LCORL: variants seen among roughly 807,000 people sequenced by gnomAD.
LCORL encodes the protein ligand dependent nuclear receptor corepressor like.
Under a neutral mutation model 141.8 loss-of-function variants are expected in LCORL, and 41 were observed. The observed-to-expected ratio is 0.29, with a 90% CI of 0.23 to 0.38. LCORL has a LOEUF of 0.38. Ranked by LOEUF, LCORL falls within the 10% of genes least tolerant of loss-of-function variation. The probability of loss-of-function intolerance (pLI) is 1.00; values close to 1 mark genes in which losing one functional copy is unlikely to be tolerated. For synonymous variants in LCORL, 618 were observed against 694.1 expected (o/e 0.89, Z 1.72); for missense variants, 1,759 against 2,035.0 (o/e 0.86, Z 2.61).
intron 4 of LCORL, among the ~76,000 whole-genome samples, chr4:17,914,148 G>A (rs1733009586): frequency 1.3e-5 from 2 of 152,100 alleles, no homozygotes; most frequent in Admixed American, 6.5e-5. Context: ...GTTGCAGAAA[G>A]GATTTCAAAG....
intron 5 of LCORL, among the ~76,000 whole-genome samples, chr4:17,902,875 A>T (rs1731090565): frequency 6.6e-6 from 1 of 152,134 alleles, no homozygotes; most frequent in Non-Finnish European, 1.5e-5. Flanking sequence ...TAATTAAAAA[A>T]AAATCTTACT....
At chr4:17,887,453 C>T (rs1436084698) in intron 5 of LCORL, among the ~76,000 whole-genome samples, 1 of 151,974 alleles carries the variant, frequency 6.6e-6, no homozygotes, top group Non-Finnish European at 1.5e-5. Context: ...TGAACAGGGC[C>T]CTGAATAAGG....
At chr4:17,954,989 T>C (rs1387676718) in intron 4 of LCORL, among the ~76,000 whole-genome samples, 4 of 152,138 alleles carry the variant, frequency 2.6e-5, no homozygotes, top group Admixed American at 6.5e-5. Context: ...CAGGATTAGA[T>C]TGAATATGTA....
At chr4:17,978,071 A>G (rs547297179) in intron 1 of LCORL, among the ~76,000 whole-genome samples, 4 of 152,314 alleles carry the variant, frequency 2.6e-5, no homozygotes, top group East Asian at 1.9e-4. Flanking sequence ...AAACTTTAAT[A>G]GCAGTTTTAG....
intron 7 of LCORL, among the ~76,000 whole-genome samples, chr4:17,864,941 T>C (rs1166392981): frequency 6.6e-6 from 1 of 152,184 alleles, no homozygotes; most frequent in East Asian, 1.9e-4. Context: ...AGCCAATTAA[T>C]AAAAAGTACC....
intron 7 of LCORL, among the ~76,000 whole-genome samples, chr4:17,853,380 T>C (rs1179791532): frequency 1.3e-5 from 2 of 152,128 alleles, no homozygotes; most frequent in East Asian, 3.9e-4. Flanking sequence ...ATTTAATGCA[T>C]GAAGTTTCCT....
chr4:17,947,061 C>T (rs1738994408), intron 4 of LCORL, among the ~76,000 whole-genome samples: 1 of 151,996 alleles, frequency 6.6e-6, no homozygotes, highest in South Asian at 2.1e-4. Context: ...TCTACACTCC[C>T]ATGTTCATTG....
intron 7 of LCORL, among the ~76,000 whole-genome samples, chr4:17,868,869 T>C (rs984175350): frequency 1.3e-5 from 2 of 152,110 alleles, no homozygotes; most frequent in Non-Finnish European, 2.9e-5. Flanking sequence ...ATAAAACCAG[T>C]TGTTCTATCC....
intron 6 of LCORL, among the ~76,000 whole-genome samples, chr4:17,879,100 AAT>A (rs1727234022): frequency 6.6e-6 from 1 of 151,172 alleles, no homozygotes; most frequent in Non-Finnish European, 1.5e-5. Flanking sequence ...TGTTGTTTTT[AAT>A]AGTTCCTGAT....
intron 1 of LCORL, among the ~76,000 whole-genome samples, chr4:18,005,917 C>T (rs1251345646): frequency 1.3e-5 from 2 of 152,342 alleles, no homozygotes; most frequent in Admixed American, 1.3e-4. Context: ...TCCCCACAGT[C>T]TTGGGGATTA....
rs546006891 is a variant in LCORL at position 17,872,918 on chromosome 4, C to G, written c.5602+470G>C. Among the ~76,000 whole-genome samples, 17 of 152,214 alleles carry G rather than the reference C, an allele frequency of 1.1e-4. No homozygotes were observed. The South Asian group carries it at 3.5e-3, about 32-fold the overall frequency. On this transcript the variant is annotated intron_variant, in intron 7 of 7. Transcript: ENST00000635767. ...GGATTATCCTAGGATATGTTACAAT[C>G]TATCAATTTAACAGATAGTCTTTAC...
chr4:18,004,603 G>T (rs979025503), intron 1 of LCORL, among the ~76,000 whole-genome samples: 2 of 152,128 alleles, frequency 1.3e-5, no homozygotes, highest in Non-Finnish European at 2.9e-5. Flanking sequence ...TGAGATTTGG[G>T]TGGGGAAACA....
At chr4:18,007,077 T>C (rs71603395) in intron 1 of LCORL, among the ~76,000 whole-genome samples, 19,275 of 152,172 alleles carry the variant, frequency 0.13, 1,358 homozygotes, top group South Asian at 0.26. Context: ...ACTTGCTTGG[T>C]CTATCTTGAC....
chr4:17,861,836 C>A (rs1328614525), intron 7 of LCORL, among the ~76,000 whole-genome samples: 1 of 152,162 alleles, frequency 6.6e-6, no homozygotes, highest in African/African-American at 2.4e-5. Flanking sequence ...AGGGCAGGGG[C>A]AAAATGTTGC....
At chr4:17,887,998 A>T (rs1043001127) in intron 5 of LCORL, among the ~76,000 whole-genome samples, 2 of 152,062 alleles carry the variant, frequency 1.3e-5, no homozygotes, top group Non-Finnish European at 2.9e-5. Flanking sequence ...GCTGATCATC[A>T]TAATAGGTTA....
intron 5 of LCORL, among the ~76,000 whole-genome samples, chr4:17,897,078 C>T (rs1239550420): frequency 3.3e-5 from 5 of 152,072 alleles, no homozygotes; most frequent in Non-Finnish European, 7.4e-5. Context: ...AATAGCACTC[C>T]ATTGTGTATG....
Position 17,877,308 on chromosome 4 carries a change from T to G in LCORL, c.1682A>C (p.Tyr561Ser), listed in dbSNP as rs914050700. The change falls in exon 7 of 8, where the codon TAT (tyrosine) becomes TCT (serine). Residue 561 changes from tyrosine (Y) to serine (S), a missense_variant. Tyr to Ser is a moderately radical substitution (Grantham distance 144, BLOSUM62 -2). Around this residue, in one of 5 missense-constraint regions of LCORL, gnomAD observed 1,311 missense variants for 1,531.3 expected, o/e 0.86. Transcript: ENST00000635767. ...GAAATCTCCCAATTTTAAATCATTA[T>G]ATGTATTATAATCACTGCTAGATAA... 7 of 1,228,986 alleles carry G rather than the reference T, an allele frequency of 5.7e-6. No homozygotes were observed. In the African/African-American group the frequency reaches 7.8e-5, roughly 14 times the overall value. 76.1% of individuals were successfully genotyped at this position (1,228,986 alleles called of 1,614,324 possible). A position where few individuals can be genotyped will look rare whatever the true frequency, so the allele number is the denominator to read the frequency against.
At chr4:17,918,797 GA>G in intron 4 of LCORL, among the ~76,000 whole-genome samples, 1 of 151,944 alleles carries the variant, frequency 6.6e-6, no homozygotes, top group East Asian at 1.9e-4. Context: ...AAAAATATTT[GA>G]AAAAAATGGC....
intron 5 of LCORL, among the ~76,000 whole-genome samples, chr4:17,905,123 A>G (rs1731412814): frequency 6.6e-6 from 1 of 152,032 alleles, no homozygotes; most frequent in African/African-American, 2.4e-5. Flanking sequence ...TTAAAACTAG[A>G]TTTTCTGATT....
Sources: gnomAD v4.1 joint callset for allele counts (sites outside exome capture counted in the v4.1 genomes callset) on GRCh38, gnomAD v4.1.1 for gene constraint, gnomAD v4.1.1 regional missense constraint, MANE v1.5 for transcripts, NCBI Gene and HGNC (gene_info 2026-07-23, HGNC 2026-07-21) for gene names.